MGAT4C: variants seen among roughly 807,000 people sequenced by gnomAD.
MGAT4C encodes the protein alpha-1,3-mannosyl-glycoprotein 4-beta-N-acetylglucosaminyltransferase C.
MGAT4C carries 19 observed loss-of-function variants against 40.1 expected under a neutral mutation model. That is an observed-to-expected ratio of 0.47 (90% CI 0.33 to 0.70). The LOEUF (loss-of-function observed/expected upper bound fraction) is 0.70, where lower values mean the gene tolerates loss of function less well. Ranked by LOEUF, MGAT4C falls within the 30% of genes least tolerant of loss-of-function variation. MGAT4C has a pLI of 0.02. For missense variants in MGAT4C, 491 were observed against 563.2 expected, an observed-to-expected ratio of 0.87 and a Z score of 1.30; for synonymous variants, 181 against 187.1, an observed-to-expected ratio of 0.97 and a Z score of 0.27.
At chr12:86,091,027 TC>T (rs1413359501) in intron 1 of MGAT4C, among the ~76,000 whole-genome samples, 7 of 151,946 alleles carry the variant, frequency 4.6e-5, no homozygotes, top group African/African-American at 1.7e-4. Context: ...CTGTAAAATG[TC>T]ACATAATGTA....
intron 2 of MGAT4C, among the ~76,000 whole-genome samples, chr12:86,635,169 G>A (rs548195969): frequency 1.3e-5 from 2 of 152,142 alleles, no homozygotes; most frequent in Non-Finnish European, 2.9e-5. Flanking sequence ...ACTGATCACA[G>A]GCTCTGTCTT....
intron 1 of MGAT4C, among the ~76,000 whole-genome samples, chr12:86,805,276 G>C (rs966840725): frequency 1.3e-5 from 2 of 151,776 alleles, no homozygotes; most frequent in African/African-American, 4.8e-5. Context: ...CCTGGGTATA[G>C]TGTGTGATGC....
At chr12:86,678,290 A>G (rs187621900) in intron 2 of MGAT4C, among the ~76,000 whole-genome samples, 1 of 151,978 alleles carries the variant, frequency 6.6e-6, no homozygotes, top group Admixed American at 6.6e-5. Context: ...TCCTCAACTT[A>G]CCTTATTCCA....
intron 1 of MGAT4C, among the ~76,000 whole-genome samples, chr12:86,253,379 T>C (rs1952384621): frequency 6.6e-6 from 1 of 151,704 alleles, no homozygotes; most frequent in Non-Finnish European, 1.5e-5. Context: ...AGAAATTGAT[T>C]GATTTGGGGC....
chr12:86,489,612 T>C (rs1028412634), intron 2 of MGAT4C, among the ~76,000 whole-genome samples: 3 of 152,208 alleles, frequency 2.0e-5, no homozygotes, highest in Non-Finnish European at 1.5e-5. Context: ...GATGCTACTG[T>C]GGGACATGCA....
At position 85,973,147 on chromosome 12, in the gene MGAT4C, G is replaced by A. The variant is rs1424153802; in HGVS notation, c.*6142C>T. ...CACATATCTCTGTGCCATACTTTTG[G>A]TACCTTCATAATAAACGGTAAAGTG... On this transcript the variant is annotated 3_prime_UTR_variant, in exon 5 of 5. Transcript: ENST00000611864. 6.6e-6 allele frequency: 1 copy of A among 150,734 alleles called. No individual in the cohort carries two copies. Among genetic ancestry groups the A allele is most frequent in the Non-Finnish European group, 1.5e-5 (1 of 67,028 alleles). The allele number at this position is 150,734 out of a possible 1,614,324, so 9.3% of individuals were successfully genotyped here.
At chr12:86,451,852 A>C (rs537194699) in intron 2 of MGAT4C, among the ~76,000 whole-genome samples, 1 of 152,228 alleles carries the variant, frequency 6.6e-6, no homozygotes, top group African/African-American at 2.4e-5. Context: ...TTCACACTAA[A>C]CACACACAAT....
intron 2 of MGAT4C, among the ~76,000 whole-genome samples, chr12:86,555,229 G>T (rs1959551084): frequency 6.6e-6 from 1 of 151,794 alleles, no homozygotes; most frequent in Admixed American, 6.6e-5. Context: ...ACTGGAATGG[G>T]GACATATTTA....
intron 1 of MGAT4C, among the ~76,000 whole-genome samples, chr12:86,763,009 T>C (rs561647580): frequency 1.3e-5 from 2 of 152,200 alleles, no homozygotes; most frequent in African/African-American, 2.4e-5. Context: ...ATGTACCTTA[T>C]TGCATTTTCT....
chr12:86,201,044 T>A (rs1190176084), intron 1 of MGAT4C, among the ~76,000 whole-genome samples: 7 of 152,102 alleles, frequency 4.6e-5, no homozygotes, highest in African/African-American at 1.7e-4. Flanking sequence ...GAAAATAAAT[T>A]TCTGTTGTTT....
At chr12:86,673,156 T>A (rs2136566397) in intron 2 of MGAT4C, among the ~76,000 whole-genome samples, 1 of 152,304 alleles carries the variant, frequency 6.6e-6, no homozygotes, top group Admixed American at 6.5e-5. Context: ...TGACAGGGCT[T>A]ACGGGAACCG....
chr12:86,686,659 C>A (rs1371235593), intron 2 of MGAT4C, among the ~76,000 whole-genome samples: 1 of 152,124 alleles, frequency 6.6e-6, no homozygotes, highest in Non-Finnish European at 1.5e-5. Flanking sequence ...ATATGTTGAA[C>A]CAGCCTTGCA....
At chr12:86,476,912 A>G (rs927207150) in intron 2 of MGAT4C, among the ~76,000 whole-genome samples, 3 of 152,034 alleles carry the variant, frequency 2.0e-5, no homozygotes, top group African/African-American at 4.8e-5. Context: ...AGCAGTATAG[A>G]CTGGGGGATA....
intron 1 of MGAT4C, among the ~76,000 whole-genome samples, chr12:86,089,107 C>A (rs1483014047): frequency 6.6e-6 from 1 of 151,824 alleles, no homozygotes; most frequent in Non-Finnish European, 1.5e-5. Flanking sequence ...AGGTGAAAGA[C>A]AAACCTCAGC....
chr12:86,670,608 C>T lies in MGAT4C; in HGVS notation c.-229+56601G>A, dbSNP rs78213498. On this transcript the variant is annotated intron_variant, in intron 2 of 7. Transcript: ENST00000548651. ...TACACCACCAATCCTATAAGTTGTT[C>T]GCATTCATGAGAGAGAACCTAGAAA... 0.018 allele frequency among the ~76,000 whole-genome samples: 2,694 copies of T among 152,116 alleles called. 147 individuals are homozygous for T. In the East Asian group the frequency reaches 0.19, roughly 11 times the overall value.
intron 1 of MGAT4C, among the ~76,000 whole-genome samples, chr12:86,232,125 ACT>A (rs1951347405): frequency 7.1e-6 from 1 of 140,338 alleles, no homozygotes; most frequent in South Asian, 2.5e-4. Flanking sequence ...ACAGAGCGAG[ACT>A]CTCTTCCAAA....
intron 3 of MGAT4C, among the ~76,000 whole-genome samples, chr12:86,400,158 A>C (rs1348928164): frequency 2.0e-5 from 3 of 152,168 alleles, no homozygotes; most frequent in African/African-American, 7.2e-5. Flanking sequence ...GTGAGGGCGA[A>C]ACTCCCCAAC....
intron 1 of MGAT4C, among the ~76,000 whole-genome samples, chr12:86,203,687 G>A (rs1033904778): frequency 3.9e-5 from 6 of 152,074 alleles, no homozygotes; most frequent in Non-Finnish European, 8.8e-5. Context: ...GCCGGGCGTG[G>A]TGGCTCACGC....
intron 3 of MGAT4C, among the ~76,000 whole-genome samples, chr12:86,361,192 A>T (rs919899632): frequency 3.9e-5 from 6 of 152,262 alleles, no homozygotes; most frequent in African/African-American, 1.2e-4. Flanking sequence ...CACATCTACA[A>T]CCATCTGTTA....
Sources: allele counts gnomAD v4.1 joint callset (sites outside exome capture counted in the v4.1 genomes callset), GRCh38; gene constraint gnomAD v4.1.1; transcripts MANE v1.5; gene names NCBI Gene and HGNC (gene_info 2026-07-23, HGNC 2026-07-21).